The following SNURF variants were observed in gnomAD, a reference collection of about 807,000 sequenced individuals.
SNURF encodes the protein SNRPN upstream open reading frame.
In SNURF, 6 loss-of-function variants were observed where a neutral mutation model predicts 11.6. The observed-to-expected ratio is 0.52, with a 90% CI of 0.28 to 1.02. The LOEUF is 1.02. Among genes scored for constraint, SNURF ranks in the 50% least tolerant of loss-of-function variants. The pLI is 0.09. For missense variants in SNURF, 84 were observed against 88.4 expected (o/e 0.95, Z 0.20); for synonymous variants, 29 against 31.6 (o/e 0.92, Z 0.27).
At chr15:24,963,852 TAGAG>T (rs1030845337) in intron 2 of SNURF, among the ~76,000 whole-genome samples, 24 of 151,934 alleles carry the variant, frequency 1.6e-4, no homozygotes, top group African/African-American at 5.6e-4. Context: ...CTGGGCAACA[TAGAG>T]AGACCTCCTC....
At chr15:24,974,551 T>G in intron 3 of SNURF, 1 of 1,150,214 alleles carries the variant, frequency 8.7e-7, no homozygotes. Context: ...TTCTGAATGT[T>G]AGAAATAAGG....
chr15:24,968,067 T>C (rs768955159), exon 3 of SNURF: 42 of 1,598,924 alleles, frequency 2.6e-5, no homozygotes, highest in Middle Eastern at 1.7e-4. Context: ...GGAATCTGAT[T>C]CCAAGCAAAA....
At chr15:24,958,848 G>A (rs1290492070) in intron 1 of SNURF, 2 of 154,154 alleles carry the variant, frequency 1.3e-5, no homozygotes, top group South Asian at 2.0e-4. Flanking sequence ...CCTCCCAAGT[G>A]CCTGTTAGTA....
At chr15:24,968,256 C>G (rs552367197) in exon 3 of SNURF, 3 of 518,110 alleles carry the variant, frequency 5.8e-6, no homozygotes, top group African/African-American at 5.8e-5. Context: ...TGCCCTGACA[C>G]TTTCGTCATG....
At chr15:24,978,376 C>T (rs758043856), downstream of SNURF, 4 of 1,614,100 alleles carry the variant, frequency 2.5e-6, no homozygotes, top group South Asian at 2.2e-5. Flanking sequence ...TGTGTATCCT[C>T]TTTTTCTCAA....
chr15:24,976,426 A>G (rs779985371), intron 5 of SNURF: 1 of 1,561,846 alleles, frequency 6.4e-7, no homozygotes, highest in Non-Finnish European at 8.8e-7. Context: ...TGTAAGGAAG[A>G]TGTAGGGCAG....
intron 6 of SNURF, chr15:24,977,700 T>G: frequency 7.3e-7 from 1 of 1,362,950 alleles, no homozygotes; most frequent in Non-Finnish European, 9.8e-7. Flanking sequence ...TAATTGGTCA[T>G]TTTTCTCATT....
At chr15:24,964,384 C>T (rs1421736750) in intron 2 of SNURF, among the ~76,000 whole-genome samples, 1 of 152,092 alleles carries the variant, frequency 6.6e-6, no homozygotes, top group Non-Finnish European at 1.5e-5. Context: ...CCTCCGCCTA[C>T]CAAGTTCAAG....
chr15:24,968,683 T>C (rs1026275877), downstream of SNURF: 1 of 152,490 alleles, frequency 6.6e-6, no homozygotes, highest in East Asian at 1.9e-4. Context: ...TAATTAACAA[T>C]GAGTATTAGA....
intron 4 of SNURF, chr15:24,975,600 A>G (rs1427454830): frequency 1.9e-6 from 2 of 1,073,122 alleles, no homozygotes; most frequent in Non-Finnish European, 2.8e-6. Flanking sequence ...AGGGTAACTG[A>G]AGTAGTTAGG....
intron 3 of SNURF, among the ~76,000 whole-genome samples, chr15:24,975,170 T>C (rs1013945731): frequency 1.3e-5 from 2 of 152,170 alleles, no homozygotes; most frequent in African/African-American, 4.8e-5. Context: ...GAAAAAATAC[T>C]TCATAATCCT....
At chr15:24,955,604 G>C (rs1234267749) in intron 1 of SNURF, among the ~76,000 whole-genome samples, 1 of 143,972 alleles carries the variant, frequency 6.9e-6, no homozygotes, top group Non-Finnish European at 1.6e-5. Flanking sequence ...TGGGGCGACT[G>C]GGGGGGGAAT....
chr15:24,955,056 G>A (rs1172109294), exon 1 of SNURF: 3 of 1,613,440 alleles, frequency 1.9e-6, no homozygotes, highest in South Asian at 1.1e-5. Flanking sequence ...GCGATGGAGC[G>A]GGCAAGGTCA....
chr15:24,968,204 T>C, exon 3 of SNURF: 2 of 644,486 alleles, frequency 3.1e-6, no homozygotes, highest in Non-Finnish European at 5.4e-6. Flanking sequence ...AATAAACACA[T>C]TGCAGAAAGT....
intron 1 of SNURF, among the ~76,000 whole-genome samples, chr15:24,958,481 T>C (rs2074193677): frequency 8.1e-6 from 1 of 122,942 alleles, no homozygotes; most frequent in Admixed American, 9.5e-5. Context: ...GCTAGCTGGC[T>C]CAAAGTTTTT....
chr15:24,956,764 CCACGGTGCAGCAGTA>C (rs1432201503), intron 1 of SNURF, among the ~76,000 whole-genome samples: 11 of 152,172 alleles, frequency 7.2e-5, no homozygotes, highest in Admixed American at 5.9e-4. Context: ...CACCCCTTAC[CCACGGTGCAGCAGTA>C]GAGGACTGGA....
chr15:24,968,644 A>C (rs1268867582), downstream of SNURF, among the ~76,000 whole-genome samples: 1 of 152,184 alleles, frequency 6.6e-6, no homozygotes, highest in Non-Finnish European at 1.5e-5. Context: ...AATATGGTTT[A>C]TGTCAGTGAA....
At chr15:24,961,881 A>AT (rs901438930) in intron 1 of SNURF, among the ~76,000 whole-genome samples, 2 of 151,966 alleles carry the variant, frequency 1.3e-5, no homozygotes, top group African/African-American at 4.8e-5. Flanking sequence ...TCATTTTCTG[A>AT]TTTTTTTTAA....
At chr15:24,976,383 A>G in exon 5 of SNURF, 2 of 1,612,996 alleles carry the variant, frequency 1.2e-6, no homozygotes, top group Non-Finnish European at 1.7e-6. Context: ...AGAACTTGGT[A>G]TCCATGACTG....
Sources: gnomAD v4.1 joint callset for allele counts (sites outside exome capture counted in the v4.1 genomes callset) on GRCh38, gnomAD v4.1.1 for gene constraint, MANE v1.5 for transcripts, NCBI Gene and HGNC (gene_info 2026-07-23, HGNC 2026-07-21) for gene names.